NIPAL2: variants seen among roughly 807,000 people sequenced by gnomAD.
NIPAL2 encodes the protein NIPA-like protein 2.
NIPAL2 carries 43 observed loss-of-function variants against 48.9 expected under a neutral mutation model. The observed-to-expected ratio is 0.88, with a 90% CI of 0.69 to 1.13. The LOEUF is 1.13. Among genes scored for constraint, NIPAL2 ranks in the 50% most tolerant of loss-of-function variants. The pLI, the probability that NIPAL2 is intolerant of heterozygous loss-of-function variation, is 0.00. For synonymous variants in NIPAL2, 167 were observed against 174.6 expected, an observed-to-expected ratio of 0.96 and a Z score of 0.34; for missense variants, 446 against 461.4, an observed-to-expected ratio of 0.97 and a Z score of 0.31.
At chr8:98,193,488 G>C in intron 10 of NIPAL2, 1 of 1,384,842 alleles carries the variant, frequency 7.2e-7, no homozygotes, top group Non-Finnish European at 1.0e-6. Flanking sequence ...CTACTACGGA[G>C]CCTATGCACT....
chr8:98,203,308 G>T, intron 7 of NIPAL2, 112 bp from the exon 8 acceptor site: 1 of 783,566 alleles, frequency 1.3e-6, no homozygotes, highest in Non-Finnish European at 2.2e-6. Flanking sequence ...AGGGAAAGGA[G>T]GTGCAGTGAA....
intron 1 of NIPAL2, among the ~76,000 whole-genome samples, chr8:98,277,281 G>A (rs113469653): frequency 1.3e-5 from 2 of 152,108 alleles, no homozygotes; most frequent in African/African-American, 4.8e-5. Context: ...GTAATTGCAG[G>A]ACTTTGGGAG....
At chr8:98,233,450 T>TTA (rs1319199470) in intron 4 of NIPAL2, among the ~76,000 whole-genome samples, 1 of 152,056 alleles carries the variant, frequency 6.6e-6, no homozygotes, top group Non-Finnish European at 1.5e-5. Context: ...ATTATGACAA[T>TTA]TATATTGACA....
chr8:98,225,336 G>T (rs1812114514), intron 4 of NIPAL2, among the ~76,000 whole-genome samples: 1 of 152,144 alleles, frequency 6.6e-6, no homozygotes, highest in Admixed American at 6.5e-5. Context: ...TTAGTCATTT[G>T]CACTTCCTTA....
At chr8:98,232,627 A>C (rs1027986569) in intron 4 of NIPAL2, among the ~76,000 whole-genome samples, 1 of 152,212 alleles carries the variant, frequency 6.6e-6, no homozygotes. Context: ...AGGCTTAAAA[A>C]GCTTATTTAT....
chr8:98,261,708 G>A (rs1201469763), intron 1 of NIPAL2, among the ~76,000 whole-genome samples: 5 of 146,712 alleles, frequency 3.4e-5, no homozygotes, highest in Non-Finnish European at 7.5e-5. Flanking sequence ...CACTCTGCAG[G>A]ATATTATCCA....
intron 7 of NIPAL2, among the ~76,000 whole-genome samples, chr8:98,203,516 C>T (rs1014810783): frequency 1.3e-5 from 2 of 152,198 alleles, no homozygotes; most frequent in Admixed American, 1.3e-4. Flanking sequence ...TTAGGATAGA[C>T]CCCAGAATCT....
chr8:98,254,992 C>G (rs1419590106), intron 1 of NIPAL2, among the ~76,000 whole-genome samples: 1 of 152,208 alleles, frequency 6.6e-6, no homozygotes, highest in Non-Finnish European at 1.5e-5. Flanking sequence ...CTTATTTACT[C>G]TTTTATATTA....
chr8:98,272,407 G>T (rs969955837), intron 1 of NIPAL2, among the ~76,000 whole-genome samples: 2 of 152,100 alleles, frequency 1.3e-5, no homozygotes, highest in African/African-American at 2.4e-5. Flanking sequence ...ATAGACTGAG[G>T]TGTGGAAAAA....
At chr8:98,272,752 C>T (rs1815215766) in intron 1 of NIPAL2, among the ~76,000 whole-genome samples, 1 of 151,942 alleles carries the variant, frequency 6.6e-6, no homozygotes, top group Non-Finnish European at 1.5e-5. Context: ...GTAACTGTGA[C>T]TACAGACGCG....
intron 1 of NIPAL2, among the ~76,000 whole-genome samples, chr8:98,280,407 T>C (rs1815732489): frequency 6.6e-6 from 1 of 152,100 alleles, no homozygotes; most frequent in Non-Finnish European, 1.5e-5. Flanking sequence ...ATGCATGAAC[T>C]GGAAATGAGA....
intron 6 of NIPAL2, among the ~76,000 whole-genome samples, chr8:98,206,568 T>C (rs537963144): frequency 3.3e-4 from 50 of 152,014 alleles, no homozygotes; most frequent in South Asian, 3.1e-3. Flanking sequence ...GGGCGGATCA[T>C]GAGGTCAGGA....
intron 1 of NIPAL2, among the ~76,000 whole-genome samples, chr8:98,265,724 C>T (rs1429097721): frequency 4.6e-5 from 6 of 131,576 alleles, no homozygotes; most frequent in South Asian, 2.9e-4. Flanking sequence ...GTCAGTGTGG[C>T]GATTCCTCAG....
At position 98,294,146 on chromosome 8, in the gene NIPAL2, G is replaced by T. The variant is rs1456395002; in HGVS notation, c.-9C>A. ...GGCGCCACCGCTGCCATGAGGTCTC[G>T]CTCCCGGCGCTCGGGCTCCGGCTCG... On this transcript the variant is annotated 5_prime_UTR_variant, in exon 1 of 11. Coordinates refer to ENST00000430223, the MANE Select transcript of NIPAL2 (RefSeq NM_001321635.2). The T allele has an allele frequency of 4.3e-6, 6 of 1,383,984 alleles. No homozygotes were observed. Among genetic ancestry groups the T allele is most frequent in the Non-Finnish European group, 5.6e-6 (6 of 1,068,274 alleles). 85.7% of individuals were successfully genotyped at this position (1,383,984 alleles called of 1,614,324 possible).
chr8:98,280,777 G>GAC (rs1563553930), intron 1 of NIPAL2, among the ~76,000 whole-genome samples: 3 of 121,100 alleles, frequency 2.5e-5, no homozygotes, highest in African/African-American at 9.5e-5. Flanking sequence ...GAGAGAGAGA[G>GAC]AGAGAGAGAG....
chr8:98,288,177 C>T (rs1185068090), intron 1 of NIPAL2, among the ~76,000 whole-genome samples: 1 of 149,382 alleles, frequency 6.7e-6, no homozygotes, highest in African/African-American at 2.5e-5. Context: ...TCTCCCAATG[C>T]TATCCTTCTC....
intron 6 of NIPAL2, among the ~76,000 whole-genome samples, chr8:98,209,080 G>A (rs1413254001): frequency 6.6e-6 from 1 of 152,068 alleles, no homozygotes; most frequent in East Asian, 1.9e-4. Flanking sequence ...TATGAAACTT[G>A]ATGAACTATA....
At chr8:98,259,927 T>C (rs973904311) in intron 1 of NIPAL2, among the ~76,000 whole-genome samples, 7 of 152,170 alleles carry the variant, frequency 4.6e-5, no homozygotes, top group Admixed American at 1.3e-4. Flanking sequence ...AGCTGACGAA[T>C]TGATTCCAAA....
chr8:98,194,670 C>T, intron 10 of NIPAL2, 58 bp downstream of exon 10: 1 of 894,382 alleles, frequency 1.1e-6, no homozygotes, highest in South Asian at 2.1e-5. Context: ...AAAATAATAC[C>T]AATAACTATT....
Sources: allele counts gnomAD v4.1 joint callset (sites outside exome capture counted in the v4.1 genomes callset), GRCh38; gene constraint gnomAD v4.1.1; transcripts MANE v1.5; gene names NCBI Gene and HGNC (gene_info 2026-07-23, HGNC 2026-07-21).